ZNF106: variants seen among roughly 807,000 people sequenced by gnomAD.
ZNF106 encodes the protein zinc finger protein 106, also known as SH3-domain binding protein 3.
ZNF106 carries 67 observed loss-of-function variants against 195.1 expected under a neutral mutation model. That is an observed-to-expected ratio of 0.34 (90% CI 0.28 to 0.42). ZNF106 has a LOEUF of 0.42. Ranked by LOEUF, ZNF106 falls within the 10% of genes least tolerant of loss-of-function variation. The pLI, the probability that ZNF106 is intolerant of heterozygous loss-of-function variation, is 1.00. For missense variants in ZNF106, 2,118 were observed against 2,304.5 expected (o/e 0.92, Z 1.66); for synonymous variants, 784 against 818.6 (o/e 0.96, Z 0.72).
At chr15:42,461,203 A>G (rs1020108108) in intron 3 of ZNF106, among the ~76,000 whole-genome samples, 4 of 152,242 alleles carry the variant, frequency 2.6e-5, no homozygotes, top group Non-Finnish European at 5.9e-5. Flanking sequence ...GTGTTTGGGA[A>G]ACCATGTTTT....
Position 42,417,241 on chromosome 15 carries a change from G to C in ZNF106, c.*63C>G. ...ACCAAGAAAGGGAAGAGAGTGGCCTGTGTGGGGGGCCAATGTGAAAATAGT... is the reference window on the plus strand; with the variant it reads ...ACCAAGAAAGGGAAGAGAGTGGCCTCTGTGGGGGGCCAATGTGAAAATAGT... On this transcript the variant is annotated 3_prime_UTR_variant, in exon 22 of 22. Transcript: ENST00000564754. 1 of 1,566,776 alleles carries C rather than the reference G, an allele frequency of 6.4e-7. No homozygotes were observed. The highest frequency in any genetic ancestry group is 8.8e-7 in the Non-Finnish European group (1 of 1,138,006).
chr15:42,457,478 G>T, intron 3 of ZNF106: 1 of 1,203,474 alleles, frequency 8.3e-7, no homozygotes, highest in African/African-American at 1.6e-5. Context: ...CAGGGCAGGG[G>T]GCTCAGAGCA....
intron 12 of ZNF106, among the ~76,000 whole-genome samples, chr15:42,437,846 G>A (rs1478060501): frequency 6.7e-6 from 1 of 149,568 alleles, no homozygotes; most frequent in African/African-American, 2.5e-5. Flanking sequence ...GGCAGAGGTT[G>A]CAGTGAGCCA....
At chr15:42,444,696 C>T in intron 8 of ZNF106, 131 bp downstream of exon 8, 2 of 1,143,788 alleles carry the variant, frequency 1.7e-6, no homozygotes, top group Non-Finnish European at 2.5e-6. Flanking sequence ...CCATTAGGCA[C>T]AGTCTGGGGC....
intron 19 of ZNF106, among the ~76,000 whole-genome samples, chr15:42,421,685 T>C (rs779659459): frequency 3.3e-5 from 5 of 152,220 alleles, no homozygotes; most frequent in Non-Finnish European, 5.9e-5. Context: ...ATCTTAAATT[T>C]ACCTTCTATT....
In ZNF106 at chr15:42,448,638, C is replaced by A; in HGVS notation, c.2569G>T (p.Asp857Tyr). The A allele has an allele frequency of 6.2e-7, 1 of 1,613,586 alleles. No homozygotes were observed. Among genetic ancestry groups the A allele is most frequent in the Non-Finnish European group, 8.5e-7 (1 of 1,179,990 alleles). Residue 857 changes from aspartate (D) to tyrosine (Y), a missense_variant, in exon 6 of 22, where the codon GAT becomes TAT. Asp to Tyr is a radical substitution (Grantham distance 160). Coordinates refer to ENST00000564754, the MANE Select transcript of ZNF106 (RefSeq NM_001366845.3). ...QEALDLDGEP[D>Y]LSSLEGFQWE... is the part of the protein sequence containing the mutation. ...TGGAATCCTTCTAGACTGGACAGAT[C>A]AGGTTCCCCATCCAAATCTAAGGCT...
At chr15:42,442,522 G>C (rs1258672775) in intron 9 of ZNF106, 108 bp from the exon 10 acceptor site, 1 of 823,096 alleles carries the variant, frequency 1.2e-6, no homozygotes, top group African/African-American at 1.7e-5. Context: ...TTATAAATAA[G>C]TATATTAGTA....
chr15:42,423,261 T>C (rs1049895089), intron 17 of ZNF106, among the ~76,000 whole-genome samples: 2 of 152,098 alleles, frequency 1.3e-5, no homozygotes, highest in Non-Finnish European at 2.9e-5. Context: ...TCCCAGCTAC[T>C]TGGGGGGCTG....
At chr15:42,429,196 G>A (rs988549231) in intron 14 of ZNF106, among the ~76,000 whole-genome samples, 2 of 151,352 alleles carry the variant, frequency 1.3e-5, no homozygotes, top group Admixed American at 6.6e-5. Context: ...AATCCTACAC[G>A]TTGGGAAGCC....
chr15:42,448,159 T>A lies in ZNF106; in HGVS notation c.3048A>T (p.Leu1016Phe). The change falls in exon 6 of 22, where the codon TTA becomes TTT. Residue 1016 changes from leucine to phenylalanine, a missense_variant. Leu to Phe is a conservative substitution (Grantham distance 22, BLOSUM62 0). Transcript: ENST00000564754. Reference sequence around the variant, plus strand: ...AGCTACTATCTGTGGCTGCATCCGCTAAACTGGAGATCGCAAGGGCTGAGG... The same window carrying A: ...AGCTACTATCTGTGGCTGCATCCGCAAAACTGGAGATCGCAAGGGCTGAGG... ...SASSALAISSLADAATDSSCT... is the reference protein window; with the variant it reads ...SASSALAISSFADAATDSSCT... The A allele has an allele frequency of 6.2e-7, 1 of 1,614,194 alleles. No homozygotes were observed. The highest frequency in any genetic ancestry group is 8.5e-7 in the Non-Finnish European group (1 of 1,180,020).
In ZNF106 at chr15:42,416,232, A is replaced by G. The variant is rs1160581691; in HGVS notation, c.*1072T>C. 6.6e-6 allele frequency: 1 copy of G among 152,228 alleles called. No individual in the cohort carries two copies. Among genetic ancestry groups the G allele is most frequent in the Non-Finnish European group, 1.5e-5 (1 of 68,052 alleles). The allele number at this position is 152,228 out of a possible 1,614,324, so 9.4% of individuals were successfully genotyped here. A position where few individuals can be genotyped will look rare whatever the true frequency, so the allele number is the denominator to read the frequency against. Reference sequence around the variant, plus strand: ...AAGTGAAGGCAAAGAACTGTCTCAGAAACAAGTCTCTAGGAAGTCTGCTTG... The same window carrying G: ...AAGTGAAGGCAAAGAACTGTCTCAGGAACAAGTCTCTAGGAAGTCTGCTTG... On this transcript the variant is annotated 3_prime_UTR_variant, in exon 22 of 22. Transcript: ENST00000564754.
At chr15:42,420,315 C>T (rs999591243) in intron 20 of ZNF106, among the ~76,000 whole-genome samples, 9 of 152,076 alleles carry the variant, frequency 5.9e-5, no homozygotes, top group Non-Finnish European at 8.8e-5. Flanking sequence ...ACATTATATT[C>T]GCTACCGCCT....
At position 42,448,078 on chromosome 15, in the gene ZNF106, G is replaced by A; in HGVS notation, c.3129C>T (p.Ala1043=). 6.2e-7 allele frequency: 1 copy of A among 1,610,194 alleles called. No homozygotes were observed. The highest frequency in any genetic ancestry group is 8.5e-7 in the Non-Finnish European group (1 of 1,177,400). ...CAGAGGGAATTATACTCACTCCAGT[G>A]GCTCTTCGTTTCTTTCTAATACTTT... ...DGQSIRKKRR[A]TGDGSSPELP... is the part of the protein sequence containing the mutation. Residue 1043 remains alanine, a synonymous_variant, in exon 6 of 22, where the codon GCC becomes GCT. Coordinates refer to ENST00000564754, the MANE Select transcript of ZNF106 (RefSeq NM_001366845.3).
At chr15:42,471,427 T>C (rs1044828504) in intron 2 of ZNF106, among the ~76,000 whole-genome samples, 7 of 152,218 alleles carry the variant, frequency 4.6e-5, no homozygotes, top group African/African-American at 1.7e-4. Context: ...CAGCCAATTT[T>C]AGGTCCTAAA....
chr15:42,484,888 G>C (rs535232501), intron 1 of ZNF106, among the ~76,000 whole-genome samples: 1 of 152,336 alleles, frequency 6.6e-6, no homozygotes, highest in Admixed American at 6.5e-5. Context: ...GACCAGGCGC[G>C]GTAGCTCACG....
At chr15:42,472,383 C>T in intron 1 of ZNF106, 62 bp from the exon 2 acceptor site, 1 of 1,266,890 alleles carries the variant, frequency 7.9e-7, no homozygotes, top group South Asian at 1.4e-5. Flanking sequence ...CATTCATCTT[C>T]ACATAACCAA....
chr15:42,486,149 TAG>T (rs953678730), intron 1 of ZNF106, among the ~76,000 whole-genome samples: 2 of 151,662 alleles, frequency 1.3e-5, no homozygotes, highest in African/African-American at 4.8e-5. Flanking sequence ...TTAGTAGAGA[TAG>T]AGTTTCACTA....
intron 2 of ZNF106, among the ~76,000 whole-genome samples, chr15:42,471,284 G>A (rs912975872): frequency 6.6e-6 from 1 of 152,090 alleles, no homozygotes; most frequent in Non-Finnish European, 1.5e-5. Context: ...GATCCTCCCA[G>A]TTCTCTGCAT....
At position 42,451,721 on chromosome 15, in the gene ZNF106, G is replaced by T; in HGVS notation, c.551C>A (p.Ser184Tyr). The T allele has an allele frequency of 1.2e-6, 2 of 1,614,174 alleles. No individual in the cohort carries two copies. Among genetic ancestry groups the T allele is most frequent in the Non-Finnish European group, 1.7e-6 (2 of 1,180,034 alleles). ...TCCTGCAACACCCTTATGCCACCCG[G>T]AACGTCCTCTTGGTCCACCACCATT... ...LRNGGGPRGR[S>Y]GWHKGVAGGS... Residue 184 changes from serine (S) to tyrosine (Y), a missense_variant, in exon 5 of 22, where the codon TCC becomes TAC. Transcript: ENST00000564754.
Sources: allele counts gnomAD v4.1 joint callset (sites outside exome capture counted in the v4.1 genomes callset), GRCh38; gene constraint gnomAD v4.1.1; transcripts MANE v1.5; gene names NCBI Gene and HGNC (gene_info 2026-07-23, HGNC 2026-07-21).